TLL1: variants seen among roughly 807,000 people sequenced by gnomAD.
TLL1 encodes the protein tolloid-like protein 1.
A neutral mutation model predicts 128.2 loss-of-function variants in TLL1; 49 were observed. The ratio of observed to expected loss-of-function variants is 0.38; its 90% confidence interval spans 0.30 to 0.48. TLL1 has a LOEUF of 0.48. TLL1 is among the 20% of genes least tolerant of loss of function. TLL1 has a pLI of 0.96. For missense variants in TLL1, 1,123 were observed against 1,242.0 expected, an observed-to-expected ratio of 0.90 and a Z score of 1.44; for synonymous variants, 454 against 418.8, an observed-to-expected ratio of 1.08 and a Z score of -1.03.
intron 1 of TLL1, among the ~76,000 whole-genome samples, chr4:165,874,762 G>C (rs1484076371): frequency 6.6e-6 from 1 of 152,354 alleles, no homozygotes; most frequent in Non-Finnish European, 1.5e-5. Context: ...CAGTCGGACC[G>C]GCACTGCCTG....
chr4:166,071,937 TA>T (rs1167479625), intron 16 of TLL1, among the ~76,000 whole-genome samples: 4 of 152,004 alleles, frequency 2.6e-5, no homozygotes, highest in African/African-American at 9.7e-5. Context: ...CAAATTAAAA[TA>T]TTTTTCAAAA....
chr4:165,893,096 T>G (rs1177461243), intron 1 of TLL1, among the ~76,000 whole-genome samples: 1 of 152,198 alleles, frequency 6.6e-6, no homozygotes, highest in African/African-American at 2.4e-5. Flanking sequence ...CTATCTTTAG[T>G]AAGGATTTGT....
chr4:166,003,670 T>A, intron 6 of TLL1, 101 bp downstream of exon 6: 1 of 1,214,646 alleles, frequency 8.2e-7, no homozygotes, highest in South Asian at 1.3e-5. Context: ...TAAACTGATA[T>A]TTTTGATATG....
chr4:165,986,358 T>C (rs1039583054), intron 1 of TLL1, among the ~76,000 whole-genome samples: 4 of 152,062 alleles, frequency 2.6e-5, no homozygotes, highest in Non-Finnish European at 5.9e-5. Context: ...TACGGAAATC[T>C]TCAAATGTGT....
intron 8 of TLL1, among the ~76,000 whole-genome samples, chr4:166,016,971 C>T (rs1266806381): frequency 6.6e-6 from 1 of 151,620 alleles, no homozygotes; most frequent in Non-Finnish European, 1.5e-5. Context: ...GCTATATGTG[C>T]AGGCTTGTTA....
intron 1 of TLL1, among the ~76,000 whole-genome samples, chr4:165,976,034 CAAAA>C (rs1169297533): frequency 0.053 from 3,829 of 71,892 alleles, 111 homozygotes; most frequent in African/African-American, 0.17. Context: ...GATTCCATCT[CAAAA>C]AAAAAAAAAA....
intron 1 of TLL1, among the ~76,000 whole-genome samples, chr4:165,894,356 A>G (rs1446934941): frequency 3.9e-5 from 6 of 152,214 alleles, no homozygotes; most frequent in Middle Eastern, 3.2e-3. Context: ...GGAGTTACTC[A>G]TGGAGAATAA....
rs776527699 is a variant in TLL1 at position 166,043,367 on chromosome 4, A to G, written c.1472A>G (p.Lys491Arg). ...DYRPMKECVW[K>R]ITVSESYHVG... ...CGCCCGATGAAAGAATGTGTGTGGA[A>G]AATAACAGTGTCTGAGAGCTACCAC... Residue 491 changes from lysine (K) to arginine (R), a missense_variant, in exon 12 of 21, where the codon AAA (lysine) becomes AGA (arginine). Coordinates refer to ENST00000061240, the MANE Select transcript of TLL1 (RefSeq NM_012464.5). 45 of 1,614,044 alleles carry G rather than the reference A, an allele frequency of 2.8e-5. No individual in the cohort carries two copies. The Admixed American group carries it at 7.5e-4, about 27-fold the overall frequency.
intron 1 of TLL1, among the ~76,000 whole-genome samples, chr4:165,977,243 G>T (rs1047753911): frequency 1.3e-5 from 2 of 152,104 alleles, no homozygotes; most frequent in African/African-American, 4.8e-5. Context: ...GGATCATGGG[G>T]GGCAGTTTCC....
chr4:165,898,067 G>A (rs1731767900), intron 1 of TLL1, among the ~76,000 whole-genome samples: 1 of 152,074 alleles, frequency 6.6e-6, no homozygotes, highest in African/African-American at 2.4e-5. Context: ...TGTGATTTTT[G>A]CACATTGATT....
At chr4:165,912,146 G>A (rs1732562665) in intron 1 of TLL1, among the ~76,000 whole-genome samples, 1 of 152,098 alleles carries the variant, frequency 6.6e-6, no homozygotes, top group Admixed American at 6.5e-5. Context: ...AAGTAATGGT[G>A]TTCTTAAACA....
intron 3 of TLL1, 148 bp downstream of exon 3, chr4:165,993,032 T>C (rs1736716481): frequency 1.5e-6 from 1 of 673,490 alleles, no homozygotes; most frequent in East Asian, 2.8e-5. Context: ...TGCTAGCTCA[T>C]ATCTGATCAA....
intron 8 of TLL1, among the ~76,000 whole-genome samples, chr4:166,023,095 C>T (rs1430415135): frequency 6.6e-6 from 1 of 152,132 alleles, no homozygotes; most frequent in Non-Finnish European, 1.5e-5. Flanking sequence ...GTGACAATGA[C>T]AGCATTTAAA....
At position 165,976,720 on chromosome 4, in the gene TLL1, A is replaced by G. The variant is rs1457025313; in HGVS notation, c.170-12661A>G. On this transcript the variant is annotated intron_variant, in intron 1 of 20. Transcript: ENST00000061240. ...ATGAAACAGAATAAAAGGCTTAGAT[A>G]TATGACAGAGACAGTATTTAAAATA... 3.9e-5 allele frequency among the ~76,000 whole-genome samples: 6 copies of G among 152,350 alleles called. No homozygotes were observed. In the South Asian group the frequency reaches 8.3e-4, roughly 21 times the overall value.
chr4:165,945,865 C>T (rs1185724349), intron 1 of TLL1, among the ~76,000 whole-genome samples: 1 of 152,072 alleles, frequency 6.6e-6, no homozygotes, highest in Non-Finnish European at 1.5e-5. Context: ...AGGGACTCTG[C>T]AGAGGGAATT....
At chr4:166,048,140 G>T (rs1474682845) in intron 12 of TLL1, among the ~76,000 whole-genome samples, 2 of 151,714 alleles carry the variant, frequency 1.3e-5, no homozygotes, top group African/African-American at 2.4e-5. Context: ...AGAGGCTGAG[G>T]CAGGAGAATC....
chr4:165,919,716 G>A (rs1732952028), intron 1 of TLL1: 5 of 423,166 alleles, frequency 1.2e-5, no homozygotes, highest in Middle Eastern at 7.1e-4. Flanking sequence ...TTGCTGTGGC[G>A]GGATAATGTT....
At position 166,065,548 on chromosome 4, in the gene TLL1, T is replaced by TG; in HGVS notation, c.2008-135_2008-134insG. On this transcript the variant is annotated intron_variant, in intron 15 of 20. Coordinates refer to ENST00000061240, the MANE Select transcript of TLL1 (RefSeq NM_012464.5). ...CATGAGTCACTGTGTCTGACCTGAT[T>TG]TTTTTCCTTACCTGTTAGTTCTAGT... 3 of 880,670 alleles carry TG rather than the reference T, an allele frequency of 3.4e-6. No individual in the cohort carries two copies. In the South Asian group the frequency reaches 4.8e-5, roughly 14 times the overall value. 54.6% of individuals were successfully genotyped at this position (880,670 alleles called of 1,614,324 possible).
chr4:166,017,153 A>G (rs1164315799), intron 8 of TLL1, among the ~76,000 whole-genome samples: 4 of 152,018 alleles, frequency 2.6e-5, no homozygotes, highest in Admixed American at 1.3e-4. Flanking sequence ...AGTATACTCT[A>G]TGTTCAGCTC....
Sources: gnomAD v4.1 joint callset for allele counts (sites outside exome capture counted in the v4.1 genomes callset) on GRCh38, gnomAD v4.1.1 for gene constraint, MANE v1.5 for transcripts, NCBI Gene and HGNC (gene_info 2026-07-23, HGNC 2026-07-21) for gene names.